The following PLCB1 variants were observed in gnomAD, a reference collection of about 807,000 sequenced individuals.
PLCB1 encodes the protein 1-phosphatidylinositol 4,5-bisphosphate phosphodiesterase beta-1.
In PLCB1, 46 loss-of-function variants were observed where a neutral mutation model predicts 161.8. That is an observed-to-expected ratio of 0.28 (90% CI 0.22 to 0.36). The LOEUF (loss-of-function observed/expected upper bound fraction) is 0.36. PLCB1 is among the 10% of genes least tolerant of loss of function. PLCB1 has a pLI of 1.00. For synonymous variants in PLCB1, 517 were observed against 503.7 expected (o/e 1.03, Z -0.35); for missense variants, 1,016 against 1,472.5 (o/e 0.69, Z 5.07).
chr20:8,367,294 A>G (rs1276337124), intron 2 of PLCB1, among the ~76,000 whole-genome samples: 5 of 152,260 alleles, frequency 3.3e-5, no homozygotes, highest in African/African-American at 1.2e-4. Context: ...GAGTGAGTAT[A>G]TAATTAGTGC....
intron 31 of PLCB1, among the ~76,000 whole-genome samples, chr20:8,878,020 TTTAAAATG>T (rs1987840159): frequency 6.6e-6 from 1 of 152,240 alleles, no homozygotes; most frequent in Non-Finnish European, 1.5e-5. Flanking sequence ...AATTAAATTA[TTTAAAATG>T]TTAAAAAGCA....
At chr20:8,295,178 C>T (rs751011443) in intron 2 of PLCB1, among the ~76,000 whole-genome samples, 12 of 151,928 alleles carry the variant, frequency 7.9e-5, no homozygotes, top group Non-Finnish European at 1.5e-4. Context: ...GTAGACAAAA[C>T]GATGTGATAC....
intron 3 of PLCB1, among the ~76,000 whole-genome samples, chr20:8,592,774 T>C (rs2123113332): frequency 6.6e-6 from 1 of 152,310 alleles, no homozygotes; most frequent in Non-Finnish European, 1.5e-5. Context: ...CAATTTGTAT[T>C]TCTGTTTTTA....
chr20:8,713,512 A>C (rs1436423121), intron 12 of PLCB1, among the ~76,000 whole-genome samples: 1 of 152,170 alleles, frequency 6.6e-6, no homozygotes, highest in Non-Finnish European at 1.5e-5. Context: ...TCTACATTAG[A>C]CATAGATTCT....
At chr20:8,736,635 G>A (rs1980599709) in intron 19 of PLCB1, among the ~76,000 whole-genome samples, 1 of 152,274 alleles carries the variant, frequency 6.6e-6, no homozygotes, top group South Asian at 2.1e-4. Context: ...AATTATGGTG[G>A]AAAGTGAAGG....
chr20:8,539,680 C>CTTTTTTTT (rs775022948), intron 3 of PLCB1, among the ~76,000 whole-genome samples: 1 of 53,410 alleles, frequency 1.9e-5, no homozygotes, highest in Non-Finnish European at 3.9e-5. Context: ...TTCTTTCTTT[C>CTTTTTTTT]TTTCTTTTTC....
At chr20:8,743,823 T>C (rs987132765) in intron 23 of PLCB1, among the ~76,000 whole-genome samples, 1 of 152,216 alleles carries the variant, frequency 6.6e-6, no homozygotes, top group Non-Finnish European at 1.5e-5. Context: ...CTCTTTTCCA[T>C]GGCCTTTAAA....
chr20:8,654,474 C>T (rs1368854545), intron 7 of PLCB1, among the ~76,000 whole-genome samples: 1 of 152,046 alleles, frequency 6.6e-6, no homozygotes, highest in African/African-American at 2.4e-5. Flanking sequence ...ATATACCAGG[C>T]ACCATGCTGG....
chr20:8,380,385 C>T (rs1011796913), intron 3 of PLCB1, among the ~76,000 whole-genome samples: 3 of 152,164 alleles, frequency 2.0e-5, no homozygotes, highest in Admixed American at 6.5e-5. Flanking sequence ...TAGTGTGATG[C>T]CTCCAGCTTT....
At chr20:8,163,300 G>A (rs541496717) in intron 2 of PLCB1, among the ~76,000 whole-genome samples, 1 of 152,336 alleles carries the variant, frequency 6.6e-6, no homozygotes, top group Admixed American at 6.5e-5. Flanking sequence ...CTAATAATCA[G>A]TGACTGGGGG....
At chr20:8,634,840 C>CT (rs1201711755) in intron 4 of PLCB1, among the ~76,000 whole-genome samples, 1 of 152,208 alleles carries the variant, frequency 6.6e-6, no homozygotes, top group Non-Finnish European at 1.5e-5. Flanking sequence ...TGATCCACCA[C>CT]TTTGACTGTT....
At chr20:8,140,901 C>T (rs1022725692) in intron 1 of PLCB1, among the ~76,000 whole-genome samples, 2 of 151,980 alleles carry the variant, frequency 1.3e-5, no homozygotes, top group Admixed American at 6.6e-5. Context: ...CCGGTTCAAG[C>T]GATTTTCCTG....
chr20:8,266,132 A>G lies in PLCB1; in HGVS notation c.178-105250A>G, dbSNP rs1364833619. ...AGTTGTGTATCGATTAACCATTGCT[A>G]CAATAATGCTATGTAACAAGCCATC... On this transcript the variant is annotated intron_variant, in intron 2 of 31. Coordinates refer to ENST00000338037, the MANE Select transcript of PLCB1 (RefSeq NM_015192.4). Among the ~76,000 whole-genome samples, 5 of 152,288 alleles carry G rather than the reference A, an allele frequency of 3.3e-5. No individual in the cohort carries two copies. The South Asian group carries it at 8.3e-4, about 25-fold the overall frequency.
intron 2 of PLCB1, among the ~76,000 whole-genome samples, chr20:8,340,413 G>A (rs926286334): frequency 1.3e-5 from 2 of 151,534 alleles, no homozygotes; most frequent in East Asian, 3.9e-4. Context: ...TTAAATTCTA[G>A]TTTTTTTTTG....
At chr20:8,607,468 C>T (rs1481083236) in intron 3 of PLCB1, among the ~76,000 whole-genome samples, 1 of 152,226 alleles carries the variant, frequency 6.6e-6, no homozygotes, top group Non-Finnish European at 1.5e-5. Context: ...TCACAGATCA[C>T]TGTGCCGCTC....
chr20:8,253,935 TG>T (rs1981280990), intron 2 of PLCB1, among the ~76,000 whole-genome samples: 2 of 152,040 alleles, frequency 1.3e-5, no homozygotes, highest in Admixed American at 1.3e-4. Context: ...TCTATGTTGC[TG>T]CAAAGGACAT....
intron 2 of PLCB1, among the ~76,000 whole-genome samples, chr20:8,246,200 T>G (rs1980869547): frequency 6.6e-6 from 1 of 151,934 alleles, no homozygotes. Context: ...TGTAGTGATT[T>G]GAAATTACAA....
At chr20:8,164,022 G>A (rs1402918652) in intron 2 of PLCB1, among the ~76,000 whole-genome samples, 1 of 152,134 alleles carries the variant, frequency 6.6e-6, no homozygotes, top group African/African-American at 2.4e-5. Flanking sequence ...GCTCGTAATG[G>A]CCATAAGCAA....
At chr20:8,579,554 C>G (rs1277666457) in intron 3 of PLCB1, among the ~76,000 whole-genome samples, 1 of 152,194 alleles carries the variant, frequency 6.6e-6, no homozygotes, top group Non-Finnish European at 1.5e-5. Flanking sequence ...TCTCAATATT[C>G]AAATATAATT....
Sources: gnomAD v4.1 joint callset for allele counts (sites outside exome capture counted in the v4.1 genomes callset) on GRCh38, gnomAD v4.1.1 for gene constraint, MANE v1.5 for transcripts, NCBI Gene and HGNC (gene_info 2026-07-23, HGNC 2026-07-21) for gene names.